Variants in CGAS observed in about 807,000 individuals in gnomAD.
CGAS encodes the protein cyclic GMP-AMP synthase, also known as 2'3'-cGAMP synthase.
In CGAS, 31 loss-of-function variants were observed where a neutral mutation model predicts 34.0. The ratio of observed to expected loss-of-function variants is 0.91; its 90% confidence interval spans 0.69 to 1.23. The LOEUF (loss-of-function observed/expected upper bound fraction) is 1.23. Among genes scored for constraint, CGAS ranks in the 50% most tolerant of loss-of-function variants. CGAS has a pLI of 0.00. For synonymous variants in CGAS, 266 were observed against 260.0 expected (o/e 1.02, Z -0.22); for missense variants, 597 against 657.6 (o/e 0.91, Z 1.01).
chr6:73,451,520 C>A lies in CGAS; in HGVS notation c.657+5G>T. 2.6e-6 allele frequency: 4 copies of A among 1,541,626 alleles called. No homozygotes were observed. The highest frequency in any genetic ancestry group is 3.5e-6 in the Non-Finnish European group (4 of 1,139,444). The stretch of plus-strand genomic sequence containing the variant: ...GGCTCGGCGGGAGGGCGCCAAGCAG[C>A]TCACCTTCACGTGCTCATAGTAGCT... On this transcript the variant is annotated splice_donor_5th_base_variant and intron_variant, in intron 1 of 4. Transcript: ENST00000370315.
intron 3 of CGAS, among the ~76,000 whole-genome samples, chr6:73,435,606 A>C (rs756969659): frequency 2.8e-4 from 43 of 152,246 alleles, no homozygotes; most frequent in Non-Finnish European, 5.6e-4. Flanking sequence ...CAGGGCGTCT[A>C]TAAAATTAAA....
intron 3 of CGAS, among the ~76,000 whole-genome samples, chr6:73,434,511 C>T (rs1770247152): frequency 6.6e-6 from 1 of 152,086 alleles, no homozygotes; most frequent in Admixed American, 6.6e-5. Context: ...TAGTACTCCT[C>T]AAAACTGTTA....
At chr6:73,444,354 G>A (rs1770432400) in intron 2 of CGAS, among the ~76,000 whole-genome samples, 1 of 150,384 alleles carries the variant, frequency 6.6e-6, no homozygotes, top group African/African-American at 2.5e-5. Flanking sequence ...TGTCACTCAG[G>A]CTGGAGTGCA....
At chr6:73,451,407 T>G (rs2095971892) in intron 1 of CGAS, 118 bp downstream of exon 1, 1 of 1,179,540 alleles carries the variant, frequency 8.5e-7, no homozygotes, top group Non-Finnish European at 1.2e-6. Flanking sequence ...CCGAAAAACA[T>G]GCAAAAGTCT....
intron 1 of CGAS, among the ~76,000 whole-genome samples, chr6:73,450,696 TG>T (rs1323392038): frequency 6.6e-6 from 1 of 151,698 alleles, no homozygotes; most frequent in African/African-American, 2.4e-5. Flanking sequence ...TGTAAGAAAC[TG>T]GGGACAGACG....
chr6:73,451,986 G>A lies in CGAS; in HGVS notation c.196C>T (p.Pro66Ser), dbSNP rs1282360336. The A allele has an allele frequency of 6.8e-7, 1 of 1,479,356 alleles. No homozygotes were observed. The highest frequency in any genetic ancestry group is 9.0e-7 in the Non-Finnish European group (1 of 1,113,534). 91.6% of individuals were successfully genotyped at this position (1,479,356 alleles called of 1,614,324 possible). A position where few individuals can be genotyped will look rare whatever the true frequency, so the allele number is the denominator to read the frequency against. The part of the protein sequence containing the change: ...KSGSRQKKSA[P>S]DTQERPPVRA... ...ACGGGCGGCCTCTCCTGGGTGTCCG[G>A]GGCGCTCTTTTTCTGCCGGGATCCC... The change falls in exon 1 of 5, where the codon CCG becomes TCG. Residue 66 changes from proline (P) to serine (S), a missense_variant. This residue lies in a region of CGAS where 321 missense variants were observed against 314.3 expected (regional missense o/e 1.02). Coordinates refer to ENST00000370315, the MANE Select transcript of CGAS (RefSeq NM_138441.3).
At chr6:73,425,724 C>T in intron 4 of CGAS, 146 bp from the exon 5 acceptor site, 1 of 569,766 alleles carries the variant, frequency 1.8e-6, no homozygotes, top group South Asian at 2.3e-5. Flanking sequence ...CCTGTAATCC[C>T]AGCACTTTGG....
intron 1 of CGAS, among the ~76,000 whole-genome samples, chr6:73,449,670 G>C (rs1031122963): frequency 2.6e-5 from 4 of 152,076 alleles, no homozygotes; most frequent in African/African-American, 9.7e-5. Context: ...ATGCTGAAAA[G>C]TAAATTAGTT....
intron 4 of CGAS, among the ~76,000 whole-genome samples, chr6:73,428,003 G>A (rs1770117994): frequency 6.6e-6 from 1 of 151,956 alleles, no homozygotes; most frequent in African/African-American, 2.4e-5. Flanking sequence ...TATGGAGGTG[G>A]GGTCTCACCA....
At chr6:73,436,583 C>T (rs6915228) in intron 3 of CGAS, among the ~76,000 whole-genome samples, 1,781 of 151,950 alleles carry the variant, frequency 0.012, 45 homozygotes, top group African/African-American at 0.04. Flanking sequence ...AGTGCAGTGG[C>T]ACCATCTTGG....
At chr6:73,442,432 G>A (rs1169795317) in intron 2 of CGAS, among the ~76,000 whole-genome samples, 1 of 147,954 alleles carries the variant, frequency 6.8e-6, no homozygotes, top group South Asian at 2.1e-4. Context: ...ACAGGGTCCC[G>A]TTCTGTCACC....
intron 1 of CGAS, among the ~76,000 whole-genome samples, chr6:73,450,792 T>G (rs1029581768): frequency 3.3e-5 from 5 of 151,412 alleles, no homozygotes; most frequent in African/African-American, 1.2e-4. Context: ...ATCGAGACCA[T>G]CCTGGCTAAC....
intron 1 of CGAS, among the ~76,000 whole-genome samples, chr6:73,448,221 A>G (rs972065972): frequency 4.6e-5 from 7 of 152,022 alleles, no homozygotes; most frequent in African/African-American, 1.7e-4. Context: ...GAGAAACCCC[A>G]TCTCTACTAA....
rs753473978 is a variant in CGAS, at chr6:73,428,761, T to A, written c.1165A>T (p.Asn389Tyr). The A allele has an allele frequency of 1.9e-6, 3 of 1,613,818 alleles. No individual in the cohort carries two copies. The African/African-American group carries it at 4.0e-5, about 22-fold the overall frequency. ...CAGCACGTTTTAGATTTTCCATGAT[T>A]GTTCAAAATTTCCTTTTCGATGTGA... ...FSHIEKEILN[N>Y]HGKSKTCCEN... Residue 389 changes from asparagine (N) to tyrosine (Y), a missense_variant, in exon 4 of 5, where the codon AAT becomes TAT. This residue lies in a region of CGAS where 271 missense variants were observed against 324.1 expected (regional missense o/e 0.84). Coordinates refer to ENST00000370315, the MANE Select transcript of CGAS (RefSeq NM_138441.3).
chr6:73,429,234 T>G (rs1363981924), intron 3 of CGAS, among the ~76,000 whole-genome samples: 2 of 143,918 alleles, frequency 1.4e-5, no homozygotes, highest in African/African-American at 5.1e-5. Context: ...TCTGAAAAAA[T>G]CTTAGGAGTG....
At position 73,425,182 on chromosome 6, in the gene CGAS, G is replaced by T; in HGVS notation, c.*45C>A. 2 of 1,397,294 alleles carry T rather than the reference G, an allele frequency of 1.4e-6. No homozygotes were observed. The highest frequency in any genetic ancestry group is 1.9e-6 in the Non-Finnish European group (2 of 1,036,030). The allele number at this position is 1,397,294 out of a possible 1,614,324, so 86.6% of individuals were successfully genotyped here. On this transcript the variant is annotated 3_prime_UTR_variant, in exon 5 of 5. Transcript: ENST00000370315. ...TTCAAATTTTTCTTGTATTCTCCAG[G>T]ATTTAGGGTGACTCTAGTTCTTAGA...
intron 1 of CGAS, among the ~76,000 whole-genome samples, chr6:73,450,426 A>AAAAG (rs1181270966): frequency 2.0e-5 from 3 of 151,848 alleles, no homozygotes; most frequent in South Asian, 2.1e-4. Context: ...AAAAAAAAAA[A>AAAAG]AAAGAAAGAA....
At chr6:73,430,002 A>G (rs1347195463) in intron 3 of CGAS, among the ~76,000 whole-genome samples, 2 of 152,064 alleles carry the variant, frequency 1.3e-5, no homozygotes, top group Admixed American at 1.3e-4. Flanking sequence ...GAAATACATG[A>G]TTGTCTCAAT....
intron 1 of CGAS, among the ~76,000 whole-genome samples, chr6:73,450,309 G>A (rs1319152731): frequency 6.6e-6 from 1 of 151,800 alleles, no homozygotes; most frequent in Non-Finnish European, 1.5e-5. Flanking sequence ...CATCTACTCA[G>A]GAGGCTGAGA....
Sources: gnomAD v4.1 joint callset for allele counts (sites outside exome capture counted in the v4.1 genomes callset) on GRCh38, gnomAD v4.1.1 for gene constraint, gnomAD v4.1.1 regional missense constraint, MANE v1.5 for transcripts, NCBI Gene and HGNC (gene_info 2026-07-23, HGNC 2026-07-21) for gene names.